Variants in SLC4A10 observed in about 807,000 individuals in gnomAD.
SLC4A10 encodes the protein solute carrier family 4 member 10.
SLC4A10 carries 42 observed loss-of-function variants against 137.7 expected under a neutral mutation model. That is an observed-to-expected ratio of 0.30 (90% CI 0.24 to 0.39). The LOEUF is 0.39. Ranked by LOEUF, SLC4A10 falls within the 10% of genes least tolerant of loss-of-function variation. The pLI is 1.00. For synonymous variants in SLC4A10, 474 were observed against 464.1 expected, an observed-to-expected ratio of 1.02 and a Z score of -0.27; for missense variants, 925 against 1,355.0, an observed-to-expected ratio of 0.68 and a Z score of 4.98.
At chr2:161,654,188 G>T (rs933665697) in intron 1 of SLC4A10, among the ~76,000 whole-genome samples, 1 of 152,164 alleles carries the variant, frequency 6.6e-6, no homozygotes, top group Non-Finnish European at 1.5e-5. Flanking sequence ...CTTTGGAGAA[G>T]TACCTCTTCA....
intron 3 of SLC4A10, among the ~76,000 whole-genome samples, chr2:161,828,780 A>ATG (rs2058206931): frequency 1.2e-5 from 1 of 84,962 alleles, no homozygotes; most frequent in African/African-American, 4.0e-5. Context: ...ATATATATAT[A>ATG]TATATATATA....
intron 26 of SLC4A10, among the ~76,000 whole-genome samples, chr2:161,982,010 G>T (rs1029733082): frequency 3.3e-5 from 5 of 152,232 alleles, no homozygotes; most frequent in Non-Finnish European, 5.9e-5. Context: ...CTTAGAATGT[G>T]TCTAAGTTAT....
At chr2:161,827,872 A>G (rs1297190505) in intron 3 of SLC4A10, among the ~76,000 whole-genome samples, 1 of 152,054 alleles carries the variant, frequency 6.6e-6, no homozygotes, top group Non-Finnish European at 1.5e-5. Context: ...GCCAATATTT[A>G]TGTGATTCTT....
intron 6 of SLC4A10, among the ~76,000 whole-genome samples, chr2:161,870,911 G>A (rs1032114796): frequency 1.3e-5 from 2 of 151,702 alleles, no homozygotes; most frequent in African/African-American, 4.8e-5. Context: ...AATGAAAGTA[G>A]TGAAATCCTT....
At chr2:161,838,405 T>C (rs1442613871) in intron 3 of SLC4A10, among the ~76,000 whole-genome samples, 3 of 152,144 alleles carry the variant, frequency 2.0e-5, no homozygotes, top group Non-Finnish European at 2.9e-5. Context: ...AGAAAATCTT[T>C]GTGACCTTTA....
At chr2:161,674,686 T>C (rs1229420645) in intron 1 of SLC4A10, among the ~76,000 whole-genome samples, 2 of 152,220 alleles carry the variant, frequency 1.3e-5, no homozygotes. Context: ...TCTGTTTATA[T>C]ATACCCTGAT....
intron 1 of SLC4A10, among the ~76,000 whole-genome samples, chr2:161,763,059 T>C (rs2050417081): frequency 6.6e-6 from 1 of 152,128 alleles, no homozygotes; most frequent in Non-Finnish European, 1.5e-5. Context: ...AGTTATTCTT[T>C]TTTACTTCTT....
intron 1 of SLC4A10, among the ~76,000 whole-genome samples, chr2:161,748,635 T>C (rs1236687784): frequency 6.6e-6 from 1 of 152,142 alleles, no homozygotes; most frequent in Non-Finnish European, 1.5e-5. Context: ...GTTCCATTGA[T>C]ACATGTCTGT....
At chr2:161,671,952 G>C (rs984994862) in intron 1 of SLC4A10, among the ~76,000 whole-genome samples, 1 of 152,104 alleles carries the variant, frequency 6.6e-6, no homozygotes, top group Non-Finnish European at 1.5e-5. Context: ...GGAAAGAACT[G>C]TTTTATTTTG....
intron 1 of SLC4A10, among the ~76,000 whole-genome samples, chr2:161,641,702 G>A (rs999000500): frequency 1.3e-5 from 2 of 152,032 alleles, no homozygotes; most frequent in Non-Finnish European, 2.9e-5. Flanking sequence ...CCTGATATTA[G>A]AAGTTGTTTG....
chr2:161,947,619 C>G lies in SLC4A10; in HGVS notation c.2157C>G (p.His719Gln). ...TTGGACGGGCCTGTGGCCATGATCA[C>G]CCATATGTTCCAGATGTTCTATTTT... ...EYVGRACGHD[H>Q]PYVPDVLFWS... The change falls in exon 17 of 27, where the codon CAC becomes CAG. Residue 719 changes from histidine to glutamine, a missense_variant. By Grantham distance (24) the His-to-Gln change is conservative. This residue lies in a region of SLC4A10 where 91 missense variants were observed against 95.6 expected (regional missense o/e 0.95). Transcript: ENST00000446997. The G allele has an allele frequency of 6.2e-7, 1 of 1,613,210 alleles. No individual in the cohort carries two copies. Among genetic ancestry groups the G allele is most frequent in the Non-Finnish European group, 8.5e-7 (1 of 1,179,386 alleles).
At chr2:161,721,473 G>A (rs1246838932) in intron 1 of SLC4A10, among the ~76,000 whole-genome samples, 1 of 152,108 alleles carries the variant, frequency 6.6e-6, no homozygotes, top group African/African-American at 2.4e-5. Context: ...TGAAATTTTG[G>A]GTTAGAAATT....
At chr2:161,841,623 T>G (rs1288880780) in intron 4 of SLC4A10, among the ~76,000 whole-genome samples, 1 of 152,192 alleles carries the variant, frequency 6.6e-6, no homozygotes, top group African/African-American at 2.4e-5. Flanking sequence ...CCCAGTTAAT[T>G]CTTGTTTGAT....
intron 15 of SLC4A10, among the ~76,000 whole-genome samples, chr2:161,926,266 T>G (rs1193454690): frequency 6.7e-6 from 1 of 149,610 alleles, no homozygotes; most frequent in Non-Finnish European, 1.5e-5. Context: ...TTTAGGATAG[T>G]TAGCTCTTCT....
chr2:161,754,092 A>G (rs920061049), intron 1 of SLC4A10, among the ~76,000 whole-genome samples: 5 of 151,680 alleles, frequency 3.3e-5, no homozygotes, highest in Non-Finnish European at 7.4e-5. Context: ...GAGTTTCACT[A>G]TGTGGCCCCG....
In SLC4A10 at chr2:161,965,456, C is replaced by G. The variant is rs552768194; in HGVS notation, c.3159+283C>G. Among the ~76,000 whole-genome samples, 212 of 152,290 alleles carry G rather than the reference C, an allele frequency of 1.4e-3. 1 individual carries two copies. The highest frequency in any genetic ancestry group is 4.7e-3 in the African/African-American group (196 of 41,580). Reference sequence around the variant, plus strand: ...TGTAAGGCTCATTTTTCTGATTCCTCTCCTATGGATGGCAGAAACTTGCTA... The same window carrying G: ...TGTAAGGCTCATTTTTCTGATTCCTGTCCTATGGATGGCAGAAACTTGCTA... On this transcript the variant is annotated intron_variant, in intron 23 of 26. Transcript: ENST00000446997.
Position 161,639,460 on chromosome 2 carries a change from T to C in SLC4A10, c.48+14894T>C, listed in dbSNP as rs1474920662. Among the ~76,000 whole-genome samples the C allele has an allele frequency of 1.2e-4, 19 of 152,140 alleles. 1 individual carries two copies. The highest frequency in any genetic ancestry group is 1.5e-5 in the Non-Finnish European group (1 of 67,996). ...GGGATTTATTTCAGGGATGCAAGGA[T>C]GGTTAAACATATGTAAATCAATAAA... On this transcript the variant is annotated intron_variant, in intron 1 of 26. Coordinates refer to ENST00000446997, the MANE Select transcript of SLC4A10 (RefSeq NM_001178015.2).
At chr2:161,853,887 T>C (rs967722978) in intron 4 of SLC4A10, among the ~76,000 whole-genome samples, 1 of 152,222 alleles carries the variant, frequency 6.6e-6, no homozygotes, top group Non-Finnish European at 1.5e-5. Flanking sequence ...CTCTTACTAC[T>C]CTGCACATTA....
chr2:161,878,977 A>T (rs1346121311), intron 8 of SLC4A10, among the ~76,000 whole-genome samples, 154 bp from the exon 9 acceptor site: 1 of 152,128 alleles, frequency 6.6e-6, no homozygotes, highest in African/African-American at 2.4e-5. Flanking sequence ...AAAAAAGGTT[A>T]TTATAGAAAA....
Sources: allele counts gnomAD v4.1 joint callset (sites outside exome capture counted in the v4.1 genomes callset), GRCh38; gene constraint gnomAD v4.1.1; regional missense constraint gnomAD v4.1.1; transcripts MANE v1.5; gene names NCBI Gene and HGNC (gene_info 2026-07-23, HGNC 2026-07-21).